The following RAD18 variants were observed in gnomAD, a reference collection of about 807,000 sequenced individuals.
RAD18 encodes E3 ubiquitin-protein ligase RAD18.
RAD18 carries 47 observed loss-of-function variants against 60.4 expected under a neutral mutation model. That is an observed-to-expected ratio of 0.78 (90% CI 0.62 to 0.99). RAD18 has a LOEUF of 0.99. Among genes scored for constraint, RAD18 ranks in the 50% least tolerant of loss-of-function variants. The pLI is 0.00. For missense variants in RAD18, 640 were observed against 593.3 expected, an observed-to-expected ratio of 1.08 and a Z score of -0.82; for synonymous variants, 225 against 195.5, an observed-to-expected ratio of 1.15 and a Z score of -1.26.
chr3:8,954,882 C>T (rs532349311), intron 2 of RAD18, among the ~76,000 whole-genome samples: 37 of 152,096 alleles, frequency 2.4e-4, no homozygotes, highest in Non-Finnish European at 4.6e-4. Context: ...TTAGACATGA[C>T]GGGACTTGTG....
chr3:8,961,815 C>G (rs1377046584), intron 1 of RAD18, among the ~76,000 whole-genome samples: 1 of 152,108 alleles, frequency 6.6e-6, no homozygotes, highest in East Asian at 1.9e-4. Flanking sequence ...ATACCAAAGT[C>G]AGAGAAGACA....
rs1424678613 is a variant in RAD18, at chr3:8,881,087, A to G, written c.*270T>C. ...CCAAATCCCTGTGCCAAAGTGCCAA[A>G]GAGTCTACCTCCTCTGCAAAGCTGG... is the stretch of plus-strand genomic sequence containing the variant. On this transcript the variant is annotated 3_prime_UTR_variant, in exon 13 of 13. Transcript: ENST00000264926. The G allele has an allele frequency of 3.1e-6, 1 of 322,754 alleles. No homozygotes were observed. Among genetic ancestry groups the G allele is most frequent in the South Asian group, 4.7e-5 (1 of 21,276 alleles). The allele number at this position is 322,754 out of a possible 1,614,324, so 20.0% of individuals were successfully genotyped here. A position where few individuals can be genotyped will look rare whatever the true frequency, so the allele number is the denominator to read the frequency against.
At chr3:8,891,457 C>A (rs1275316504) in intron 11 of RAD18, among the ~76,000 whole-genome samples, 2 of 152,126 alleles carry the variant, frequency 1.3e-5, no homozygotes, top group Non-Finnish European at 2.9e-5. Context: ...ATCACCAGCA[C>A]AAATCACTGA....
At chr3:8,903,025 C>CA (rs1311166634) in intron 9 of RAD18, among the ~76,000 whole-genome samples, 1,533 of 124,228 alleles carry the variant, frequency 0.012, 20 homozygotes, top group African/African-American at 0.033. Context: ...GACTCTGTCT[C>CA]AAAAAAAAAA....
intron 7 of RAD18, among the ~76,000 whole-genome samples, chr3:8,933,573 A>G (rs1446763198): frequency 2.0e-5 from 3 of 152,220 alleles, no homozygotes; most frequent in Admixed American, 6.5e-5. Context: ...ACTAATAAAA[A>G]TTGACATTTT....
intron 12 of RAD18, among the ~76,000 whole-genome samples, chr3:8,885,974 T>A (rs1050147500): frequency 2.3e-4 from 35 of 152,204 alleles, no homozygotes; most frequent in African/African-American, 4.3e-4. Flanking sequence ...CAGTCTCTTG[T>A]CAAACCAATG....
intron 6 of RAD18, among the ~76,000 whole-genome samples, chr3:8,936,547 G>C (rs1180712102): frequency 1.3e-5 from 2 of 152,136 alleles, no homozygotes; most frequent in Admixed American, 6.5e-5. Context: ...ATTATAGCAG[G>C]TTCTCTACCT....
Position 8,890,392 on chromosome 3 carries a change from T to A in RAD18, c.1382A>T (p.His461Leu). The change falls in exon 12 of 13, where the codon CAT becomes CTT. Residue 461 changes from histidine (H) to leucine (L), a missense_variant. By Grantham distance (99) the His-to-Leu change is moderately conservative. Coordinates refer to ENST00000264926, the MANE Select transcript of RAD18 (RefSeq NM_020165.4). ...TTTCATGATTATGAGAACTCACTTA[T>A]GTGATGCTTCCCAGGCTTCCTCTTC... is the stretch of plus-strand genomic sequence containing the variant. ...LEEEEAWEASHKNDLQDTEIS... is the reference protein window; with the variant it reads ...LEEEEAWEASLKNDLQDTEIS... 6.3e-7 allele frequency: 1 copy of A among 1,581,750 alleles called. No homozygotes were observed. Among genetic ancestry groups the A allele is most frequent in the Non-Finnish European group, 8.7e-7 (1 of 1,150,768 alleles).
At chr3:8,927,202 C>A (rs1223616399) in intron 7 of RAD18, among the ~76,000 whole-genome samples, 1 of 152,138 alleles carries the variant, frequency 6.6e-6, no homozygotes, top group African/African-American at 2.4e-5. Context: ...TGAACTCCAA[C>A]AAATTTACAA....
intron 12 of RAD18, among the ~76,000 whole-genome samples, chr3:8,881,954 A>G (rs1437934680): frequency 6.6e-6 from 1 of 152,200 alleles, no homozygotes; most frequent in Admixed American, 6.5e-5. Flanking sequence ...GGTAAGAAGA[A>G]TCAGCTAAGA....
Position 8,948,654 on chromosome 3 carries a change from T to C in RAD18, c.134-84A>G, listed in dbSNP as rs181317430. 9.1e-6 allele frequency: 11 copies of C among 1,202,268 alleles called. No homozygotes were observed. The African/African-American group carries it at 1.4e-4, about 15-fold the overall frequency. The allele number at this position is 1,202,268 out of a possible 1,614,324, so 74.5% of individuals were successfully genotyped here. On this transcript the variant is annotated intron_variant, in intron 2 of 12. Coordinates refer to ENST00000264926, the MANE Select transcript of RAD18 (RefSeq NM_020165.4). Reference sequence around the variant, plus strand: ...TGACTTCTAACAAAATCTTAAGCCCTAGACTATTTCCGTCATCTAAGGTAT... The same window carrying C: ...TGACTTCTAACAAAATCTTAAGCCCCAGACTATTTCCGTCATCTAAGGTAT...
intron 12 of RAD18, among the ~76,000 whole-genome samples, chr3:8,886,051 T>C (rs1939558542): frequency 6.6e-6 from 1 of 152,252 alleles, no homozygotes; most frequent in Non-Finnish European, 1.5e-5. Flanking sequence ...ATAGATGTGC[T>C]ACAATTGTTT....
At position 8,939,653 on chromosome 3, in the gene RAD18, A is replaced by G. The variant is rs1049897071; in HGVS notation, c.605T>C (p.Val202Ala). 1.2e-6 allele frequency: 2 copies of G among 1,605,218 alleles called. No individual in the cohort carries two copies. Among genetic ancestry groups the G allele is most frequent in the Admixed American group, 3.4e-5 (2 of 59,170 alleles). Residue 202 changes from valine to alanine, a missense_variant and splice_region_variant, in exon 6 of 13, where the codon GTG (valine) becomes GCG (alanine). Coordinates refer to ENST00000264926, the MANE Select transcript of RAD18 (RefSeq NM_020165.4). ...STSTLKQVTK[V>A]DCPVCGVNIP... The stretch of plus-strand genomic sequence containing the variant: ...GTTAACCCCGCAAACAGGACAATCC[A>G]CTGTATTTTTTAAAAAGAAAAAGAG...
At chr3:8,886,055 A>G (rs559355210) in intron 12 of RAD18, among the ~76,000 whole-genome samples, 2 of 152,338 alleles carry the variant, frequency 1.3e-5, no homozygotes, top group East Asian at 3.9e-4. Context: ...ATGTGCTACA[A>G]TTGTTTTAAC....
At chr3:8,915,124 A>T (rs1472601095) in intron 7 of RAD18, among the ~76,000 whole-genome samples, 2 of 148,074 alleles carry the variant, frequency 1.4e-5, no homozygotes, top group East Asian at 3.9e-4. Flanking sequence ...ACTCCAGCCC[A>T]GCGACAAAGC....
At chr3:8,892,925 T>C (rs1939718237) in intron 11 of RAD18, among the ~76,000 whole-genome samples, 2 of 152,198 alleles carry the variant, frequency 1.3e-5, no homozygotes. Flanking sequence ...GTCAATATCC[T>C]CACATATAAA....
chr3:8,923,457 C>T (rs937287336), intron 7 of RAD18, among the ~76,000 whole-genome samples: 4 of 152,074 alleles, frequency 2.6e-5, no homozygotes, highest in South Asian at 2.1e-4. Context: ...CTGAAAGTGA[C>T]GGGGAGAATG....
In RAD18 at chr3:8,940,079, G is replaced by C. The variant is rs147083666; in HGVS notation, c.605-426C>G. 3.6e-3 allele frequency among the ~76,000 whole-genome samples: 555 copies of C among 152,298 alleles called. 2 individuals carry two copies. Among genetic ancestry groups the C allele is most frequent in the African/African-American group, 0.012 (519 of 41,554 alleles). ...TGGCCCAAGGGCCGAGTGAAGGAAA[G>C]GTAGTTTAATAATTTATTGAGTTCA... On this transcript the variant is annotated intron_variant, in intron 5 of 12. Coordinates refer to ENST00000264926, the MANE Select transcript of RAD18 (RefSeq NM_020165.4).
At chr3:8,898,245 A>G (rs1202554508) in intron 11 of RAD18, among the ~76,000 whole-genome samples, 1 of 152,194 alleles carries the variant, frequency 6.6e-6, no homozygotes, top group Non-Finnish European at 1.5e-5. Flanking sequence ...AATAACAATT[A>G]TAAACATAAG....
Sources: allele counts gnomAD v4.1 joint callset (sites outside exome capture counted in the v4.1 genomes callset), GRCh38; gene constraint gnomAD v4.1.1; transcripts MANE v1.5; gene names NCBI Gene and HGNC (gene_info 2026-07-23, HGNC 2026-07-21).